The following NAV2 variants were observed in gnomAD, a reference collection of about 807,000 sequenced individuals.
NAV2 encodes the protein helicase, APC down-regulated 1.
Under a neutral mutation model 223.2 loss-of-function variants are expected in NAV2, and 54 were observed. That is an observed-to-expected ratio of 0.24 (90% CI 0.19 to 0.30). NAV2 has a LOEUF of 0.30. NAV2 is among the 10% of genes least tolerant of loss of function. The pLI, the probability that NAV2 is intolerant of heterozygous loss-of-function variation, is 1.00. For synonymous variants in NAV2, 1,279 were observed against 1,239.3 expected (o/e 1.03, Z -0.67); for missense variants, 2,806 against 3,147.5 (o/e 0.89, Z 2.60).
At chr11:19,681,067 T>TC (rs2048869813) in intron 1 of NAV2, among the ~76,000 whole-genome samples, 2 of 152,208 alleles carry the variant, frequency 1.3e-5, no homozygotes, top group African/African-American at 4.8e-5. Flanking sequence ...ATTATCATTA[T>TC]CCCCACTTAC....
chr11:19,546,521 G>A (rs964934995), intron 1 of NAV2, among the ~76,000 whole-genome samples: 4 of 152,184 alleles, frequency 2.6e-5, no homozygotes, highest in Admixed American at 6.5e-5. Context: ...CCACCTGCAG[G>A]GTGGGGCGGC....
rs1427648672 is a variant in NAV2 at position 20,044,188 on chromosome 11, C to G, written c.3115C>G (p.Arg1039Gly). 6.2e-7 allele frequency: 1 copy of G among 1,613,984 alleles called. No individual in the cohort carries two copies. The highest frequency in any genetic ancestry group is 2.2e-5 in the East Asian group (1 of 44,888). ...CATCTCCCAGACAGGCTCATGGCGG[C>G]GAGGCATGACAGCTCAGGTGGGCAT... ...PVISQTGSWR[R>G]GMTAQVGITM... The change falls in exon 13 of 38, where the codon CGA becomes GGA. Residue 1039 changes from arginine (R) to glycine (G), a missense_variant. Around this residue, in one of 4 missense-constraint regions of NAV2, gnomAD observed 742 missense variants for 777.9 expected, o/e 0.95. Coordinates refer to ENST00000349880, the MANE Select transcript of NAV2 (RefSeq NM_145117.5).
chr11:20,049,310 C>A, intron 15 of NAV2, 115 bp downstream of exon 15: 1 of 786,682 alleles, frequency 1.3e-6, no homozygotes, highest in Non-Finnish European at 2.0e-6. Flanking sequence ...TTCTCTCTTT[C>A]TAATTACTGC....
At chr11:19,992,882 T>C (rs1474559127) in intron 11 of NAV2, among the ~76,000 whole-genome samples, 1 of 152,156 alleles carries the variant, frequency 6.6e-6, no homozygotes. Flanking sequence ...CATGAGCCAC[T>C]GCGCCCCACC....
intron 1 of NAV2, among the ~76,000 whole-genome samples, chr11:19,565,833 T>C (rs948364913): frequency 1.8e-4 from 27 of 152,250 alleles, no homozygotes; most frequent in African/African-American, 6.5e-4. Context: ...ATTTTCCTCC[T>C]GGCTGTCTCG....
At chr11:19,611,926 C>T (rs2046657315) in intron 1 of NAV2, among the ~76,000 whole-genome samples, 1 of 152,226 alleles carries the variant, frequency 6.6e-6, no homozygotes, top group Admixed American at 6.5e-5. Context: ...TTCTGTACTG[C>T]CCTAGCAGAG....
At chr11:19,410,857 TTTTG>T (rs368810777) in intron 1 of NAV2, among the ~76,000 whole-genome samples, 1 of 152,060 alleles carries the variant, frequency 6.6e-6, no homozygotes, top group East Asian at 1.9e-4. Flanking sequence ...ATTGTTTATT[TTTTG>T]TTTGTTTGTT....
chr11:19,986,017 A>C (rs2050765424), intron 11 of NAV2, among the ~76,000 whole-genome samples: 1 of 152,226 alleles, frequency 6.6e-6, no homozygotes, highest in South Asian at 2.1e-4. Context: ...GCTTATTTGT[A>C]TTCTTCTATC....
chr11:19,975,658 C>A (rs143907225), intron 10 of NAV2, among the ~76,000 whole-genome samples: 1 of 152,178 alleles, frequency 6.6e-6, no homozygotes, highest in African/African-American at 2.4e-5. Context: ...TGAGATTGAG[C>A]CTGTGTGCTA....
intron 11 of NAV2, among the ~76,000 whole-genome samples, chr11:19,995,975 C>G (rs1353892447): frequency 6.6e-6 from 1 of 152,130 alleles, no homozygotes; most frequent in Non-Finnish European, 1.5e-5. Flanking sequence ...TGGAGGGACT[C>G]TCCTATGCTG....
At chr11:19,758,465 G>A (rs1177428242) in intron 1 of NAV2, among the ~76,000 whole-genome samples, 1 of 152,204 alleles carries the variant, frequency 6.6e-6, no homozygotes, top group East Asian at 1.9e-4. Flanking sequence ...TGGACCAGAG[G>A]AGCAGGAAGC....
intron 1 of NAV2, among the ~76,000 whole-genome samples, chr11:19,614,728 G>C (rs888609854): frequency 6.6e-6 from 1 of 152,124 alleles, no homozygotes; most frequent in Non-Finnish European, 1.5e-5. Flanking sequence ...TGGTGGAGGC[G>C]TTTTCTCTGT....
intron 1 of NAV2, among the ~76,000 whole-genome samples, chr11:19,386,220 G>A (rs897353956): frequency 2.0e-5 from 3 of 152,218 alleles, no homozygotes; most frequent in South Asian, 2.1e-4. Flanking sequence ...GCCCAGCATT[G>A]AATCAAACAC....
rs777072108 is a variant in NAV2 at position 19,892,543 on chromosome 11, A to G, written c.880A>G (p.Lys294Glu). ...RRSQSFNNYD[K>E]SKPVTSPPPP... The stretch of plus-strand genomic sequence containing the variant: ...CAGCCAGAGCTTTAACAACTATGAT[A>G]AATCCAAACCAGTCACCTCCCCACC... The change falls in exon 6 of 38, where the codon AAA becomes GAA. Residue 294 changes from lysine to glutamate, a missense_variant. By Grantham distance (56) the Lys-to-Glu change is moderately conservative (BLOSUM62 1). Around this residue, in one of 4 missense-constraint regions of NAV2, gnomAD observed 1,167 missense variants for 1,180.5 expected, o/e 0.99. Transcript: ENST00000349880. 1 of 1,614,186 alleles carries G rather than the reference A, an allele frequency of 6.2e-7. No homozygotes were observed. Among genetic ancestry groups the G allele is most frequent in the Non-Finnish European group, 8.5e-7 (1 of 1,180,014 alleles).
At chr11:19,574,316 G>GC (rs1410289130) in intron 1 of NAV2, among the ~76,000 whole-genome samples, 6 of 152,310 alleles carry the variant, frequency 3.9e-5, no homozygotes, top group Non-Finnish European at 7.4e-5. Flanking sequence ...ATTAGCTACA[G>GC]CCCCCCTCAT....
In NAV2 at chr11:20,045,183, G is replaced by A. The variant is rs759951193; in HGVS notation, c.3415G>A (p.Gly1139Arg). Residue 1139 changes from glycine (G) to arginine (R), a missense_variant, in exon 14 of 38, where the codon GGG becomes AGG. Physicochemically the swap from Gly to Arg is moderately radical, Grantham distance 125 (BLOSUM62 -2). Transcript: ENST00000349880. Reference sequence around the variant, plus strand: ...CGGCCTGGCCATGATCACAGCCAGCGGGGTGACTGTCACCAGCAGGTCAGC... The same window carrying A: ...CGGCCTGGCCATGATCACAGCCAGCAGGGTGACTGTCACCAGCAGGTCAGC... The part of the protein sequence containing the change: ...AAGLAMITAS[G>R]VTVTSRSATL... 21 of 1,614,026 alleles carry A rather than the reference G, an allele frequency of 1.3e-5. No homozygotes were observed. Among genetic ancestry groups the A allele is most frequent in the South Asian group, 7.7e-5 (7 of 91,074 alleles).
At chr11:20,061,253 A>G (rs1302662818) in intron 19 of NAV2, among the ~76,000 whole-genome samples, 1 of 152,200 alleles carries the variant, frequency 6.6e-6, no homozygotes, top group African/African-American at 2.4e-5. Flanking sequence ...AGAAAACACT[A>G]TATTGCAAAA....
chr11:19,623,688 A>G (rs1173695700), intron 1 of NAV2, among the ~76,000 whole-genome samples: 1 of 152,126 alleles, frequency 6.6e-6, no homozygotes, highest in African/African-American at 2.4e-5. Context: ...CAAGGTTTTT[A>G]GCTTCTTTGC....
intron 1 of NAV2, among the ~76,000 whole-genome samples, chr11:19,651,416 A>C (rs1401372192): frequency 1.3e-5 from 2 of 152,238 alleles, no homozygotes; most frequent in African/African-American, 4.8e-5. Flanking sequence ...CCTGTGATGC[A>C]CATGAAACAT....
Sources: allele counts gnomAD v4.1 joint callset (sites outside exome capture counted in the v4.1 genomes callset), GRCh38; gene constraint gnomAD v4.1.1; regional missense constraint gnomAD v4.1.1; transcripts MANE v1.5; gene names NCBI Gene and HGNC (gene_info 2026-07-23, HGNC 2026-07-21).